CNTNAP4: variants seen among roughly 807,000 people sequenced by gnomAD.
CNTNAP4 encodes contactin-associated protein-like 4.
Under a neutral mutation model 148.4 loss-of-function variants are expected in CNTNAP4, and 98 were observed. The observed-to-expected ratio is 0.66, with a 90% confidence interval of 0.56 to 0.78. CNTNAP4 has a LOEUF of 0.78. Among genes scored for constraint, CNTNAP4 ranks in the 30% least tolerant of loss-of-function variants. CNTNAP4 has a pLI of 0.00. For synonymous variants in CNTNAP4, 730 were observed against 565.1 expected, an observed-to-expected ratio of 1.29 and a Z score of -4.14; for missense variants, 1,935 against 1,565.6, an observed-to-expected ratio of 1.24 and a Z score of -3.98.
chr16:76,475,513 A>T (rs371010941), intron 10 of CNTNAP4, among the ~76,000 whole-genome samples: 1 of 152,288 alleles, frequency 6.6e-6, no homozygotes, highest in East Asian at 1.9e-4. Context: ...CTAGAAGTAT[A>T]CCTCAAGTGA....
intron 3 of CNTNAP4, among the ~76,000 whole-genome samples, chr16:76,359,839 A>C (rs531280862): frequency 9.3e-4 from 141 of 152,312 alleles, no homozygotes; most frequent in African/African-American, 3.2e-3. Flanking sequence ...AGTAAACATA[A>C]GGTATAATTT....
intron 12 of CNTNAP4, among the ~76,000 whole-genome samples, chr16:76,482,326 T>G (rs1226876933): frequency 2.6e-5 from 4 of 152,050 alleles, no homozygotes; most frequent in Non-Finnish European, 5.9e-5. Flanking sequence ...AAGCCAAAAA[T>G]AACGACACAG....
chr16:76,545,822 C>T (rs142544496), intron 21 of CNTNAP4, among the ~76,000 whole-genome samples: 6 of 152,128 alleles, frequency 3.9e-5, no homozygotes, highest in Admixed American at 2.0e-4. Flanking sequence ...TGGATCACGA[C>T]GTCAGGAGAT....
At chr16:76,488,934 C>A (rs146139371) in intron 12 of CNTNAP4, among the ~76,000 whole-genome samples, 1 of 152,104 alleles carries the variant, frequency 6.6e-6, no homozygotes, top group African/African-American at 2.4e-5. Context: ...AGTAGATACT[C>A]AAAGATATTT....
At chr16:76,278,966 C>G (rs1345519221) in intron 1 of CNTNAP4, among the ~76,000 whole-genome samples, 5 of 152,194 alleles carry the variant, frequency 3.3e-5, no homozygotes, top group Admixed American at 3.3e-4. Context: ...AGGAACCTCA[C>G]TTCAGGTGCT....
At chr16:76,384,671 T>C (rs546322234) in intron 3 of CNTNAP4, among the ~76,000 whole-genome samples, 4 of 152,246 alleles carry the variant, frequency 2.6e-5, no homozygotes, top group East Asian at 1.9e-4. Context: ...TGGTAGGCGA[T>C]TGGAAGTGGC....
At chr16:76,490,410 G>C (rs2082173512) in intron 13 of CNTNAP4, among the ~76,000 whole-genome samples, 1 of 152,104 alleles carries the variant, frequency 6.6e-6, no homozygotes, top group Non-Finnish European at 1.5e-5. Context: ...CTCTTTATTT[G>C]ATTCTGCTGT....
chr16:76,469,461 G>C (rs1169807100), intron 10 of CNTNAP4: 1 of 152,192 alleles, frequency 6.6e-6, no homozygotes, highest in Non-Finnish European at 1.5e-5. Flanking sequence ...CCCAACCCCT[G>C]ATGGGGAGCA....
chr16:76,326,777 C>A (rs538454493), intron 2 of CNTNAP4, among the ~76,000 whole-genome samples: 49 of 146,676 alleles, frequency 3.3e-4, no homozygotes, highest in Non-Finnish European at 1.3e-4. Flanking sequence ...GGAAGGGGAA[C>A]ATCACACACC....
chr16:76,547,832 A>G (rs1364550991), intron 21 of CNTNAP4, among the ~76,000 whole-genome samples: 1 of 152,244 alleles, frequency 6.6e-6, no homozygotes, highest in Non-Finnish European at 1.5e-5. Flanking sequence ...GTCTGAGAGA[A>G]GAGGATGTCT....
At chr16:76,509,549 C>T (rs1321425404) in intron 15 of CNTNAP4, among the ~76,000 whole-genome samples, 1 of 97,096 alleles carries the variant, frequency 1.0e-5, no homozygotes, top group African/African-American at 2.6e-5. Context: ...TAAGTGATCC[C>T]GCTAAACTTA....
chr16:76,504,769 A>G (rs2082779541), intron 15 of CNTNAP4, among the ~76,000 whole-genome samples: 1 of 152,192 alleles, frequency 6.6e-6, no homozygotes, highest in African/African-American at 2.4e-5. Flanking sequence ...GTGCAATAAT[A>G]TTTGAAAAAT....
At chr16:76,346,788 A>G (rs1265136815) in intron 2 of CNTNAP4, among the ~76,000 whole-genome samples, 3 of 152,194 alleles carry the variant, frequency 2.0e-5, no homozygotes, top group African/African-American at 7.2e-5. Flanking sequence ...CTGTCATAAA[A>G]TTTGCAAATC....
chr16:76,481,053 C>A (rs1488031062), intron 12 of CNTNAP4, among the ~76,000 whole-genome samples: 3 of 152,048 alleles, frequency 2.0e-5, no homozygotes, highest in African/African-American at 4.8e-5. Context: ...ACAAATAAAC[C>A]AATAAAAACA....
chr16:76,550,477 A>G (rs957386776), intron 21 of CNTNAP4, among the ~76,000 whole-genome samples: 2 of 152,184 alleles, frequency 1.3e-5, no homozygotes, highest in African/African-American at 4.8e-5. Context: ...AATATATCTC[A>G]TATCAGATTA....
At position 76,277,462 on chromosome 16, in the gene CNTNAP4, G is replaced by A; in HGVS notation, c.-201G>A. On this transcript the variant is annotated 5_prime_UTR_variant, in exon 1 of 24. Coordinates refer to ENST00000611870, the MANE Select transcript of CNTNAP4 (RefSeq NM_033401.5). ...GAGAGAGAGAAAAGAGAGAGACAGA[G>A]ACGGGGAGAGAGAGAGGGAGAGAGA... is the stretch of plus-strand genomic sequence containing the variant. 1.8e-6 allele frequency: 1 copy of A among 560,818 alleles called. No homozygotes were observed. Among genetic ancestry groups the A allele is most frequent in the Non-Finnish European group, 3.2e-6 (1 of 315,442 alleles). The allele number at this position is 560,818 out of a possible 1,614,324, so 34.7% of individuals were successfully genotyped here. A position where few individuals can be genotyped will look rare whatever the true frequency, so the allele number is the denominator to read the frequency against.
intron 13 of CNTNAP4, among the ~76,000 whole-genome samples, chr16:76,494,496 G>A (rs2143827393): frequency 6.6e-6 from 1 of 152,126 alleles, no homozygotes; most frequent in African/African-American, 2.4e-5. Flanking sequence ...ATTCCATAAT[G>A]CTTTAATGGG....
intron 3 of CNTNAP4, among the ~76,000 whole-genome samples, chr16:76,379,947 G>C (rs2015799546): frequency 6.6e-6 from 1 of 152,112 alleles, no homozygotes; most frequent in South Asian, 2.1e-4. Flanking sequence ...CATGACCTCA[G>C]GGTGTGAAGT....
chr16:76,307,632 A>G (rs1379589561), intron 1 of CNTNAP4, among the ~76,000 whole-genome samples: 1 of 150,858 alleles, frequency 6.6e-6, no homozygotes, highest in Non-Finnish European at 1.5e-5. Flanking sequence ...TGGCCAAATT[A>G]TCTGTCAATA....
Sources: allele counts gnomAD v4.1 joint callset (sites outside exome capture counted in the v4.1 genomes callset), GRCh38; gene constraint gnomAD v4.1.1; transcripts MANE v1.5; gene names NCBI Gene and HGNC (gene_info 2026-07-23, HGNC 2026-07-21).